ABTB2: variants seen among roughly 807,000 people sequenced by gnomAD.
ABTB2 encodes the protein ankyrin repeat and BTB/POZ domain-containing protein 2.
Under a neutral mutation model 104.1 loss-of-function variants are expected in ABTB2, and 56 were observed. That is an observed-to-expected ratio of 0.54 (90% CI 0.43 to 0.67). The LOEUF is 0.67. ABTB2 is among the 30% of genes least tolerant of loss of function. The pLI, the probability that ABTB2 is intolerant of heterozygous loss-of-function variation, is 0.00. For missense variants in ABTB2, 1,279 were observed against 1,407.7 expected (o/e 0.91, Z 1.46); for synonymous variants, 606 against 608.2 (o/e 1.00, Z 0.05).
Position 34,356,991 on chromosome 11 carries a change from G to A in ABTB2, c.593C>T (p.Ser198Phe), listed in dbSNP as rs767519008. ...SAGDGLRRGK[S>F]ARCGLTFSVG... is the part of the protein sequence containing the mutation. ...TGAGAAGGTGAGGCCGCAGCGCGCG[G>A]ACTTGCCCCGGCGCAGCCCGTCGCC... The change falls in exon 1 of 17, where the codon TCC becomes TTC. Residue 198 changes from serine (S) to phenylalanine (F), a missense_variant. Coordinates refer to ENST00000435224, the MANE Select transcript of ABTB2 (RefSeq NM_145804.3). The surrounding 1 kb of genome is among the most constrained non-coding windows in gnomAD (Gnocchi z 4.6). The A allele has an allele frequency of 6.3e-7, 1 of 1,585,674 alleles. No individual in the cohort carries two copies. Among genetic ancestry groups the A allele is most frequent in the East Asian group, 2.3e-5 (1 of 43,916 alleles).
intron 1 of ABTB2, chr11:34,335,443 C>T (rs548564652): frequency 6.4e-6 from 5 of 785,468 alleles, no homozygotes; most frequent in Non-Finnish European, 1.1e-5. Flanking sequence ...TCACTCTAAA[C>T]AGTCATATTA....
At chr11:34,312,904 G>T (rs753765165) in intron 1 of ABTB2, among the ~76,000 whole-genome samples, 1 of 152,154 alleles carries the variant, frequency 6.6e-6, no homozygotes, top group Non-Finnish European at 1.5e-5. Context: ...CTCAGAAGGG[G>T]TAACTTGTGT....
chr11:34,219,120 A>G (rs1853584263), intron 1 of ABTB2, among the ~76,000 whole-genome samples: 1 of 152,234 alleles, frequency 6.6e-6, no homozygotes, highest in African/African-American at 2.4e-5. Context: ...AAAAACATGT[A>G]CACAAATAAT....
chr11:34,231,510 T>C (rs1017613010), intron 1 of ABTB2, among the ~76,000 whole-genome samples: 2 of 152,110 alleles, frequency 1.3e-5, no homozygotes, highest in Non-Finnish European at 2.9e-5. Context: ...ACAAACATTA[T>C]CGGGTGGTCA....
intron 2 of ABTB2, among the ~76,000 whole-genome samples, chr11:34,198,807 C>T (rs188845819): frequency 1.1e-4 from 17 of 152,316 alleles, no homozygotes; most frequent in Admixed American, 7.8e-4. Context: ...CTGAAGGAGC[C>T]CTGGCACCTG....
intron 3 of ABTB2, among the ~76,000 whole-genome samples, chr11:34,185,372 G>A (rs916120957): frequency 1.7e-4 from 26 of 152,218 alleles, no homozygotes; most frequent in African/African-American, 6.0e-4. Flanking sequence ...GACAGGGCCT[G>A]ACCCTGCTTT....
chr11:34,332,098 C>A (rs1855137891), intron 1 of ABTB2, among the ~76,000 whole-genome samples: 1 of 152,212 alleles, frequency 6.6e-6, no homozygotes, highest in Admixed American at 6.5e-5. Context: ...GCCTGTATTA[C>A]AACTGCCTGT....
intron 3 of ABTB2, among the ~76,000 whole-genome samples, chr11:34,196,406 T>C (rs1219965103): frequency 2.0e-5 from 3 of 151,990 alleles, no homozygotes; most frequent in Non-Finnish European, 4.4e-5. Flanking sequence ...ACAAAAAAAT[T>C]AGCCAGGCGT....
rs1188561128 is a variant in ABTB2 at position 34,292,231 on chromosome 11, G to A, written c.883+64470C>T. 2.0e-5 allele frequency among the ~76,000 whole-genome samples: 3 copies of A among 152,206 alleles called. No individual in the cohort carries two copies. In the East Asian group the frequency reaches 5.8e-4, roughly 29 times the overall value. Reference sequence around the variant, plus strand: ...CTCCCCAGTAATGAGGGAAGGAAAAGCCGCAGTGTTCTCTGAGAGGACTGG... The same window carrying A: ...CTCCCCAGTAATGAGGGAAGGAAAAACCGCAGTGTTCTCTGAGAGGACTGG... On this transcript the variant is annotated intron_variant, in intron 1 of 16. Transcript: ENST00000435224.
chr11:34,173,671 C>T (rs561919329), intron 3 of ABTB2, among the ~76,000 whole-genome samples: 2 of 152,212 alleles, frequency 1.3e-5, no homozygotes, highest in Admixed American at 6.5e-5. Flanking sequence ...GGAGCAGTTC[C>T]CCAGTGTGTG....
intron 1 of ABTB2, among the ~76,000 whole-genome samples, chr11:34,287,388 G>A (rs1854518005): frequency 6.6e-6 from 1 of 152,000 alleles, no homozygotes; most frequent in Admixed American, 6.6e-5. Context: ...GCAAAACCCT[G>A]TCTCTACTAA....
At chr11:34,352,303 T>C (rs1383685366) in intron 1 of ABTB2, among the ~76,000 whole-genome samples, 12 of 152,244 alleles carry the variant, frequency 7.9e-5, no homozygotes. Flanking sequence ...AGGTCCTTAG[T>C]AGTATTGATA....
intron 1 of ABTB2, among the ~76,000 whole-genome samples, chr11:34,347,613 T>C (rs914652654): frequency 2.0e-5 from 3 of 152,318 alleles, no homozygotes; most frequent in East Asian, 1.9e-4. Context: ...ACCTGAGTTA[T>C]TAGCTAAGCC....
At chr11:34,191,098 C>T (rs1280686678) in intron 3 of ABTB2, among the ~76,000 whole-genome samples, 1 of 152,170 alleles carries the variant, frequency 6.6e-6, no homozygotes, top group Non-Finnish European at 1.5e-5. Context: ...GCACCCTCCT[C>T]CCCTTGGTCA....
intron 1 of ABTB2, among the ~76,000 whole-genome samples, chr11:34,236,004 C>T (rs1015489807): frequency 1.1e-4 from 16 of 152,168 alleles, no homozygotes; most frequent in African/African-American, 3.1e-4. Flanking sequence ...GAGCGCCAGA[C>T]GGGGAGAGAT....
At chr11:34,320,246 A>G (rs1212194262) in intron 1 of ABTB2, among the ~76,000 whole-genome samples, 1 of 152,236 alleles carries the variant, frequency 6.6e-6, no homozygotes, top group Non-Finnish European at 1.5e-5. Context: ...TGACCCAAAT[A>G]GAAATTTAAT....
At chr11:34,260,233 C>T (rs190068940) in intron 1 of ABTB2, among the ~76,000 whole-genome samples, 8 of 152,300 alleles carry the variant, frequency 5.3e-5, no homozygotes, top group South Asian at 2.1e-4. Flanking sequence ...GGAGGCTTCT[C>T]GCCATGAAAT....
intron 1 of ABTB2, among the ~76,000 whole-genome samples, chr11:34,300,178 A>G (rs938715483): frequency 3.9e-5 from 6 of 152,182 alleles, no homozygotes; most frequent in Non-Finnish European, 7.3e-5. Flanking sequence ...GCTCAGCATG[A>G]ATACCCTCCA....
intron 1 of ABTB2, among the ~76,000 whole-genome samples, chr11:34,349,029 G>A (rs1473626725): frequency 1.3e-5 from 2 of 152,220 alleles, no homozygotes; most frequent in African/African-American, 4.8e-5. Flanking sequence ...TACTTGGGCT[G>A]TGTTCCTTAT....
Sources: allele counts gnomAD v4.1 joint callset (sites outside exome capture counted in the v4.1 genomes callset), GRCh38; gene constraint gnomAD v4.1.1; non-coding constraint Gnocchi (gnomAD v3.1); transcripts MANE v1.5; gene names NCBI Gene and HGNC (gene_info 2026-07-23, HGNC 2026-07-21).